ZNF385D: variants seen among roughly 807,000 people sequenced by gnomAD.
The protein encoded by ZNF385D is zinc finger protein 659.
In ZNF385D, 15 loss-of-function variants were observed where a neutral mutation model predicts 35.8. The ratio of observed to expected loss-of-function variants is 0.42; its 90% CI spans 0.28 to 0.64. ZNF385D has a LOEUF of 0.64. ZNF385D is among the 30% of genes least tolerant of loss of function. The probability of loss-of-function intolerance (pLI) is 0.23; values close to 1 mark genes in which losing one functional copy is unlikely to be tolerated. For synonymous variants in ZNF385D, 212 were observed against 186.8 expected (o/e 1.13, Z -1.10); for missense variants, 474 against 494.6 (o/e 0.96, Z 0.39).
Position 22,354,314 on chromosome 3 carries a change from A to G in ZNF385D, c.106+18136T>C, listed in dbSNP as rs146124859. On this transcript the variant is annotated intron_variant, in intron 2 of 5. Coordinates refer to the ZNF385D transcript ENST00000494108. ...ATCAGTACATATTTCAAGTAGATAC[A>G]GTAAGGATTAGAGTTAATGTATGTA... 1.2e-3 allele frequency among the ~76,000 whole-genome samples: 189 copies of G among 152,266 alleles called. 2 individuals are homozygous for G. Among genetic ancestry groups the G allele is most frequent in the African/African-American group, 4.4e-3 (182 of 41,568 alleles).
At chr3:21,461,279 C>T (rs898493979) in intron 4 of ZNF385D, among the ~76,000 whole-genome samples, 4 of 152,120 alleles carry the variant, frequency 2.6e-5, no homozygotes, top group African/African-American at 9.7e-5. Context: ...AGGCCTGGCA[C>T]AGTGGCTATG....
chr3:21,678,435 CT>C (rs1242274338), intron 1 of ZNF385D, among the ~76,000 whole-genome samples: 8 of 152,068 alleles, frequency 5.3e-5, no homozygotes, highest in African/African-American at 1.9e-4. Flanking sequence ...CACAGCTATT[CT>C]TCTTTATTGA....
At chr3:21,716,937 C>T (rs1575521329) in intron 1 of ZNF385D, among the ~76,000 whole-genome samples, 1 of 152,060 alleles carries the variant, frequency 6.6e-6, no homozygotes, top group South Asian at 2.1e-4. Context: ...TCCTGGCCAA[C>T]ATGGTGAAAC....
At chr3:22,116,118 T>G (rs1918462) in intron 3 of ZNF385D, among the ~76,000 whole-genome samples, 31,029 of 151,970 alleles carry the variant, frequency 0.2, 3,478 homozygotes, top group East Asian at 0.42. Context: ...CATGCTACGG[T>G]AGGATAATAA....
chr3:22,094,305 A>G (rs1246308233), intron 3 of ZNF385D, among the ~76,000 whole-genome samples: 2 of 129,374 alleles, frequency 1.5e-5, no homozygotes, highest in African/African-American at 5.6e-5. Context: ...TTGGCTAGGT[A>G]TTTTATTCTT....
chr3:21,495,808 T>G (rs1403423178), intron 4 of ZNF385D, among the ~76,000 whole-genome samples: 2 of 151,690 alleles, frequency 1.3e-5, no homozygotes, highest in Non-Finnish European at 2.9e-5. Flanking sequence ...CTAGCTAGAC[T>G]AAGAAAGAAA....
chr3:21,874,606 G>C (rs1697867780), intron 3 of ZNF385D, among the ~76,000 whole-genome samples: 1 of 151,938 alleles, frequency 6.6e-6, no homozygotes, highest in South Asian at 2.1e-4. Context: ...GATTACTGTA[G>C]CTTTGTAATA....
intron 2 of ZNF385D, among the ~76,000 whole-genome samples, chr3:22,243,762 T>C (rs757227966): frequency 6.6e-6 from 1 of 150,824 alleles, no homozygotes; most frequent in African/African-American, 2.5e-5. Flanking sequence ...GGTACCGTTA[T>C]CAAGATTGGG....
chr3:21,896,073 A>T (rs981238557), intron 3 of ZNF385D, among the ~76,000 whole-genome samples: 5 of 152,172 alleles, frequency 3.3e-5, no homozygotes, highest in Non-Finnish European at 7.4e-5. Context: ...CCTCTCTTCG[A>T]CATTTGGAAT....
At chr3:21,615,817 T>TGTGTGTGTGTGTGTG (rs1559462215) in intron 2 of ZNF385D, among the ~76,000 whole-genome samples, 13 of 150,420 alleles carry the variant, frequency 8.6e-5, no homozygotes, top group South Asian at 2.1e-4. Flanking sequence ...TGTGTGTGTG[T>TGTGTGTGTGTGTGTG]TTACTGGTTA....
rs566276745 is a variant in ZNF385D, at chr3:22,147,939, T to A, written c.325+20878A>T. Among the ~76,000 whole-genome samples, 5 of 152,290 alleles carry A rather than the reference T, an allele frequency of 3.3e-5. No homozygotes were observed. The South Asian group carries it at 1.0e-3, about 32-fold the overall frequency. ...GGCTCCAATACAGAAAAAAAGTCGATCTAAAGTATGAGGATTTAGCAAAGA... is the reference window on the plus strand; with the variant it reads ...GGCTCCAATACAGAAAAAAAGTCGAACTAAAGTATGAGGATTTAGCAAAGA... On this transcript the variant is annotated intron_variant, in intron 3 of 5. Coordinates refer to the ZNF385D transcript ENST00000494108.
chr3:22,320,223 G>T (rs182526152), intron 2 of ZNF385D, among the ~76,000 whole-genome samples: 24 of 152,098 alleles, frequency 1.6e-4, no homozygotes, highest in African/African-American at 4.8e-4. Context: ...GTTTCTAAAG[G>T]TCATTGAGGT....
chr3:22,317,320 A>T (rs1398629375), intron 2 of ZNF385D, among the ~76,000 whole-genome samples: 2 of 149,884 alleles, frequency 1.3e-5, no homozygotes, highest in South Asian at 2.1e-4. Context: ...AAAATAAAAG[A>T]AAAAAAAAGG....
rs140839672 is a variant in ZNF385D, at chr3:22,246,159, T to G, written c.107-77124A>C. On this transcript the variant is annotated intron_variant, in intron 2 of 5. Transcript: ENST00000494108. ...TATTCAAGCATTTGAATACAACTATTTTAATACTTCACACAAGAAACATAC... is the reference window on the plus strand; with the variant it reads ...TATTCAAGCATTTGAATACAACTATGTTAATACTTCACACAAGAAACATAC... 4.1e-3 allele frequency among the ~76,000 whole-genome samples: 622 copies of G among 152,288 alleles called. 3 individuals carry two copies. The South Asian group carries it at 0.042, about 10-fold the overall frequency.
intron 3 of ZNF385D, among the ~76,000 whole-genome samples, chr3:22,161,783 C>T (rs1265904857): frequency 2.0e-5 from 3 of 152,074 alleles, no homozygotes; most frequent in Non-Finnish European, 4.4e-5. Flanking sequence ...ATCAGCTTTG[C>T]TGTAATAATA....
At chr3:21,665,092 GC>G (rs1214826250) in intron 1 of ZNF385D, 64 bp from the exon 2 acceptor site, 1 of 1,497,328 alleles carries the variant, frequency 6.7e-7, no homozygotes, top group African/African-American at 1.4e-5. Context: ...CACCAAAGTT[GC>G]TTTTGAGACA....
rs1008551568 is a variant in ZNF385D, at chr3:21,640,290, T to G, written c.165+24596A>C. 4.6e-5 allele frequency among the ~76,000 whole-genome samples: 7 copies of G among 152,156 alleles called. No homozygotes were observed. In the East Asian group the frequency reaches 9.7e-4, roughly 21 times the overall value. On this transcript the variant is annotated intron_variant, in intron 2 of 7. Coordinates refer to ENST00000281523, the MANE Select transcript of ZNF385D (RefSeq NM_024697.3). Reference sequence around the variant, plus strand: ...TTTCCACTTTTTGATTGAGCCATGATAGTGACTAAAGAAAAGTGTGAAAAT... The same window carrying G: ...TTTCCACTTTTTGATTGAGCCATGAGAGTGACTAAAGAAAAGTGTGAAAAT...
chr3:22,108,020 G>A (rs1453537371), intron 3 of ZNF385D, among the ~76,000 whole-genome samples: 3 of 151,456 alleles, frequency 2.0e-5, no homozygotes, highest in East Asian at 1.9e-4. Flanking sequence ...ACCATGTGAC[G>A]ATGCAGAAAG....
intron 3 of ZNF385D, among the ~76,000 whole-genome samples, chr3:21,893,280 A>G (rs534019414): frequency 2.6e-5 from 4 of 152,338 alleles, no homozygotes; most frequent in South Asian, 4.1e-4. Flanking sequence ...ACAGATACAC[A>G]TCATTCCAAA....
Sources: gnomAD v4.1 joint callset for allele counts (sites outside exome capture counted in the v4.1 genomes callset) on GRCh38, gnomAD v4.1.1 for gene constraint, MANE v1.5 for transcripts, NCBI Gene and HGNC (gene_info 2026-07-23, HGNC 2026-07-21) for gene names.